Variants in KIF26B observed in about 807,000 individuals in gnomAD.
The protein encoded by KIF26B is kinesin-like protein KIF26B.
Under a neutral mutation model 151.2 loss-of-function variants are expected in KIF26B, and 63 were observed. That is an observed-to-expected ratio of 0.42 (90% CI 0.34 to 0.51). The LOEUF (loss-of-function observed/expected upper bound fraction) is 0.51. KIF26B is among the 20% of genes least tolerant of loss of function. The pLI is 0.07. For missense variants in KIF26B, 2,813 were observed against 2,913.6 expected (o/e 0.97, Z 0.79); for synonymous variants, 1,357 against 1,262.1 (o/e 1.08, Z -1.59).
intron 9 of KIF26B, among the ~76,000 whole-genome samples, chr1:245,642,253 T>C (rs1036056482): frequency 1.4e-4 from 22 of 152,200 alleles, no homozygotes; most frequent in African/African-American, 4.8e-4. Flanking sequence ...AAGTTGAGAC[T>C]GGACCCCTTC....
chr1:245,583,107 T>G (rs2043191696), intron 5 of KIF26B, among the ~76,000 whole-genome samples: 1 of 152,342 alleles, frequency 6.6e-6, no homozygotes, highest in Admixed American at 6.5e-5. Context: ...CAACCTTCGA[T>G]CTAATTTGTC....
rs1431704967 is a variant in KIF26B at position 245,218,517 on chromosome 1, A to C, written c.465+61834A>C. ...ATTGGGTGTGGGGCCGATGGTTTTC[A>C]CTCAATCCGCCGGGAGATCTGAATA... On this transcript the variant is annotated intron_variant, in intron 2 of 14. Transcript: ENST00000407071. This position sits in a 1 kb window ranked among gnomAD's most constrained non-coding sequence, Gnocchi z 4.1. Among the ~76,000 whole-genome samples, 2 of 152,040 alleles carry C rather than the reference A, an allele frequency of 1.3e-5. No homozygotes were observed. The highest frequency in any genetic ancestry group is 2.9e-5 in the Non-Finnish European group (2 of 68,006).
intron 5 of KIF26B, among the ~76,000 whole-genome samples, chr1:245,565,609 T>C (rs139126660): frequency 3.3e-3 from 505 of 152,278 alleles, no homozygotes; most frequent in African/African-American, 0.011. Flanking sequence ...TTCTTGCCGG[T>C]CATTTGTACA....
At chr1:245,359,250 C>T (rs536264412) in intron 2 of KIF26B, among the ~76,000 whole-genome samples, 1 of 151,980 alleles carries the variant, frequency 6.6e-6, no homozygotes, top group African/African-American at 2.4e-5. Context: ...AACTCCTGAC[C>T]TCAAGTGATC....
chr1:245,489,012 A>AGT (rs1660341063), intron 4 of KIF26B, among the ~76,000 whole-genome samples: 1 of 152,188 alleles, frequency 6.6e-6, no homozygotes, highest in Non-Finnish European at 1.5e-5. Flanking sequence ...GTACTCTAGA[A>AGT]TCCCTTACAG....
chr1:245,394,197 A>G (rs373332771), intron 3 of KIF26B, among the ~76,000 whole-genome samples: 2 of 151,680 alleles, frequency 1.3e-5, no homozygotes, highest in East Asian at 3.9e-4. Context: ...TTCCTCTCCC[A>G]TTTTCTCTGT....
chr1:245,323,748 G>A (rs535260996), intron 2 of KIF26B, among the ~76,000 whole-genome samples: 5 of 152,338 alleles, frequency 3.3e-5, no homozygotes, highest in South Asian at 4.1e-4. Flanking sequence ...CTATTTATTC[G>A]CTTATTCACT....
intron 4 of KIF26B, among the ~76,000 whole-genome samples, chr1:245,505,254 A>G (rs933606076): frequency 1.5e-4 from 22 of 149,808 alleles, no homozygotes; most frequent in Admixed American, 6.7e-5. Flanking sequence ...TTTTTTTTTA[A>G]TAAGTCTATA....
rs984563786 is a variant in KIF26B, at chr1:245,687,746, T to C, written c.4763T>C (p.Val1588Ala). 8 of 1,578,386 alleles carry C rather than the reference T, an allele frequency of 5.1e-6. No individual in the cohort carries two copies. In the African/African-American group the frequency reaches 1.1e-4, roughly 21 times the overall value. The change falls in exon 12 of 15, where the codon GTT becomes GCT. Residue 1588 changes from valine to alanine, a missense_variant. Around this residue, in one of 3 missense-constraint regions of KIF26B, gnomAD observed 2,060 missense variants for 2,088.6 expected, o/e 0.99. Coordinates refer to ENST00000407071, the MANE Select transcript of KIF26B (RefSeq NM_018012.4). This position sits in a 1 kb window ranked among gnomAD's most constrained non-coding sequence, Gnocchi z 4.9. ...AAGGTGGCTTCCCCCAAGCACTGTGTTCTGGCTCGGCCCAAAGGGACTCCC... is the reference window on the plus strand; with the variant it reads ...AAGGTGGCTTCCCCCAAGCACTGTGCTCTGGCTCGGCCCAAAGGGACTCCC... ...EGKVASPKHC[V>A]LARPKGTPPL...
chr1:245,689,085 G>T (rs997346127), intron 12 of KIF26B, among the ~76,000 whole-genome samples: 2 of 152,194 alleles, frequency 1.3e-5, no homozygotes, highest in African/African-American at 4.8e-5. Flanking sequence ...CTGCCCTACT[G>T]CGTGCCGTCA....
intron 4 of KIF26B, among the ~76,000 whole-genome samples, chr1:245,528,676 A>G (rs1164971027): frequency 6.6e-6 from 1 of 152,214 alleles, no homozygotes; most frequent in Non-Finnish European, 1.5e-5. Context: ...GTTCCTTTGA[A>G]CTTTTCTATT....
Position 245,687,882 on chromosome 1 carries a change from C to G in KIF26B, c.4899C>G (p.Phe1633Leu), listed in dbSNP as rs779023833. ...GCCCCCTGAACCAACCAGCCGCCTT[C>G]CCGGCGGGCCTCCCAGACGAGCCTA... Reference protein sequence around the residue: ...TSSPLNQPAAFPAGLPDEPSG... With the variant: ...TSSPLNQPAALPAGLPDEPSG... Residue 1633 changes from phenylalanine to leucine, a missense_variant, in exon 12 of 15, where the codon TTC (phenylalanine) becomes TTG (leucine). Transcript: ENST00000407071. The surrounding 1 kb of genome is among the most constrained non-coding windows in gnomAD (Gnocchi z 4.9). 1.6e-5 allele frequency: 25 copies of G among 1,591,918 alleles called. No individual in the cohort carries two copies. The South Asian group carries it at 2.7e-4, about 18-fold the overall frequency.
intron 2 of KIF26B, among the ~76,000 whole-genome samples, chr1:245,325,971 G>GA (rs1671982911): frequency 6.6e-6 from 1 of 152,144 alleles, no homozygotes; most frequent in Admixed American, 6.5e-5. Flanking sequence ...GAATACGAGG[G>GA]AGACAATGGG....
chr1:245,272,873 T>C (rs1336153097), intron 2 of KIF26B, among the ~76,000 whole-genome samples: 1 of 152,186 alleles, frequency 6.6e-6, no homozygotes, highest in African/African-American at 2.4e-5. Flanking sequence ...TCCATTGTGG[T>C]TGAAAAAAAT....
At chr1:245,617,156 C>T (rs907417901) in intron 9 of KIF26B, among the ~76,000 whole-genome samples, 2 of 152,158 alleles carry the variant, frequency 1.3e-5, no homozygotes, top group Admixed American at 6.5e-5. Flanking sequence ...AGTGCAGTGG[C>T]GCAATCTCAA....
chr1:245,305,583 TAAAC>T (rs1274136419), intron 2 of KIF26B, among the ~76,000 whole-genome samples: 3 of 152,184 alleles, frequency 2.0e-5, no homozygotes, highest in Non-Finnish European at 4.4e-5. Flanking sequence ...ATAAAAAAGA[TAAAC>T]AATATGAAGT....
rs1672989858 is a variant in KIF26B, at chr1:245,367,453, C to T, written c.999+86C>T. The T allele has an allele frequency of 8.1e-7, 1 of 1,231,080 alleles. No individual in the cohort carries two copies. Among genetic ancestry groups the T allele is most frequent in the Non-Finnish European group, 1.1e-6 (1 of 895,574 alleles). The allele number at this position is 1,231,080 out of a possible 1,614,324, so 76.3% of individuals were successfully genotyped here. A position where few individuals can be genotyped will look rare whatever the true frequency, so the allele number is the denominator to read the frequency against. ...GCAGCACTTCCTTCCGCTGCCTCCT[C>T]CCGGGAACCCTGTAACTCAGAGCCC... On this transcript the variant is annotated intron_variant, in intron 3 of 14. Coordinates refer to ENST00000407071, the MANE Select transcript of KIF26B (RefSeq NM_018012.4). This position sits in a 1 kb window ranked among gnomAD's most constrained non-coding sequence, Gnocchi z 4.2.
chr1:245,475,258 G>A (rs1660009580), intron 4 of KIF26B, among the ~76,000 whole-genome samples: 4 of 151,750 alleles, frequency 2.6e-5, no homozygotes, highest in South Asian at 4.2e-4. Flanking sequence ...ACCCAACACC[G>A]GCTGCCTCCT....
chr1:245,198,944 G>A (rs1394835546), intron 2 of KIF26B, among the ~76,000 whole-genome samples: 2 of 151,532 alleles, frequency 1.3e-5, no homozygotes, highest in Admixed American at 6.6e-5. Context: ...CTGCGGCAGC[G>A]TCGGGGGAGG....
Sources: gnomAD v4.1 joint callset for allele counts (sites outside exome capture counted in the v4.1 genomes callset) on GRCh38, gnomAD v4.1.1 for gene constraint, gnomAD v4.1.1 regional missense constraint, Gnocchi (gnomAD v3.1) non-coding constraint, MANE v1.5 for transcripts, NCBI Gene and HGNC (gene_info 2026-07-23, HGNC 2026-07-21) for gene names.